Variants in WBP4 observed in about 807,000 individuals in gnomAD.
WBP4 encodes the protein WW domain binding protein 4.
In WBP4, 37 loss-of-function variants were observed where a neutral mutation model predicts 55.4. That is an observed-to-expected ratio of 0.67 (90% CI 0.51 to 0.88). WBP4 has a LOEUF of 0.88. WBP4 is among the 40% of genes least tolerant of loss of function. WBP4 has a pLI of 0.00. For synonymous variants in WBP4, 142 were observed against 140.2 expected (o/e 1.01, Z -0.09); for missense variants, 398 against 420.8 (o/e 0.95, Z 0.47).
intron 1 of WBP4, chr13:41,062,023 G>A (rs1184841439): frequency 1.0e-6 from 1 of 979,078 alleles, no homozygotes; most frequent in Admixed American, 6.2e-5. Flanking sequence ...TGAACCCTAG[G>A]GTATTGTGAA....
intron 8 of WBP4, 46 bp from the exon 9 acceptor site, chr13:41,080,600 G>T: frequency 7.0e-7 from 1 of 1,430,872 alleles, no homozygotes; most frequent in Non-Finnish European, 9.5e-7. Flanking sequence ...TTTTTGTCTT[G>T]GTAGTTTTGC....
intron 8 of WBP4, among the ~76,000 whole-genome samples, chr13:41,080,206 T>C (rs1160185797): frequency 1.3e-5 from 2 of 152,186 alleles, no homozygotes; most frequent in Non-Finnish European, 2.9e-5. Context: ...CCCTAAGTTA[T>C]TTTTTAAAAG....
At chr13:41,068,530 T>C in intron 4 of WBP4, 31 bp from the exon 5 acceptor site, 1 of 1,525,148 alleles carries the variant, frequency 6.6e-7, no homozygotes. Context: ...GTAGTTACTA[T>C]AGCTGCTTTA....
rs547940773 is a variant in WBP4, at chr13:41,071,781, G to A, written c.486+208G>A. Among the ~76,000 whole-genome samples the A allele has an allele frequency of 3.9e-5, 6 of 152,148 alleles. No individual in the cohort carries two copies. The East Asian group carries it at 1.2e-3, about 29-fold the overall frequency. ...TATCTGGCTGGGTGCAGTGGCTCAT[G>A]CCTGTAATCCCAGCACTTTGGGAGG... On this transcript the variant is annotated intron_variant, in intron 6 of 9. Coordinates refer to ENST00000379487, the MANE Select transcript of WBP4 (RefSeq NM_007187.5).
At chr13:41,080,375 T>TA (rs1380818582) in intron 8 of WBP4, among the ~76,000 whole-genome samples, 1 of 152,032 alleles carries the variant, frequency 6.6e-6, no homozygotes, top group Admixed American at 6.6e-5. Context: ...AGAGAGAAGT[T>TA]AAGAGAGCCC....
intron 7 of WBP4, 70 bp from the exon 8 acceptor site, chr13:41,075,971 TAAA>T: frequency 6.9e-7 from 1 of 1,447,608 alleles, no homozygotes; most frequent in African/African-American, 1.4e-5. Flanking sequence ...TTGTAAGTGA[TAAA>T]TGTTATGTTG....
At chr13:41,068,069 G>A (rs1189446360) in intron 4 of WBP4, among the ~76,000 whole-genome samples, 2 of 151,960 alleles carry the variant, frequency 1.3e-5, no homozygotes, top group East Asian at 3.9e-4. Context: ...TATAGATGTA[G>A]GGGGTACAAG....
At chr13:41,068,433 T>A in intron 4 of WBP4, 128 bp from the exon 5 acceptor site, 1 of 836,848 alleles carries the variant, frequency 1.2e-6, no homozygotes. Context: ...ATGAACTTTA[T>A]AATAATGTGT....
At chr13:41,073,841 A>G (rs1878359016) in intron 7 of WBP4, among the ~76,000 whole-genome samples, 1 of 152,222 alleles carries the variant, frequency 6.6e-6, no homozygotes, top group Non-Finnish European at 1.5e-5. Context: ...GCTATTTAGT[A>G]GTGTCTAACA....
chr13:41,070,520 G>A lies in WBP4; in HGVS notation c.440-1007G>A, dbSNP rs964071856. Among the ~76,000 whole-genome samples the A allele has an allele frequency of 4.6e-5, 7 of 151,718 alleles. 1 individual carries two copies. In the Middle Eastern group the frequency reaches 9.5e-3, roughly 206 times the overall value. On this transcript the variant is annotated intron_variant, in intron 5 of 9. Transcript: ENST00000379487. ...AGAGAATGATGGTGCCATTTACTTA[G>A]ATACGAGATAAGGAACTGAAAATAA... is the stretch of plus-strand genomic sequence containing the variant.
At chr13:41,071,856 G>A (rs1878260897) in intron 6 of WBP4, among the ~76,000 whole-genome samples, 1 of 151,900 alleles carries the variant, frequency 6.6e-6, no homozygotes, top group African/African-American at 2.4e-5. Flanking sequence ...GCCTGGCCAA[G>A]ATGGTGAAAC....
At chr13:41,069,705 C>CAA (rs35819905) in intron 5 of WBP4, among the ~76,000 whole-genome samples, 39 of 75,824 alleles carry the variant, frequency 5.1e-4, no homozygotes, top group South Asian at 1.4e-3. Context: ...GACTCTGCCT[C>CAA]AAAAAAAAAA....
At chr13:41,074,362 C>T (rs896183238) in intron 7 of WBP4, among the ~76,000 whole-genome samples, 1 of 152,056 alleles carries the variant, frequency 6.6e-6, no homozygotes, top group African/African-American at 2.4e-5. Flanking sequence ...ATCATTAGCT[C>T]ATTGCATAGC....
At position 41,076,277 on chromosome 13, in the gene WBP4, T is replaced by C. The variant is rs749180463; in HGVS notation, c.756+40T>C. ...TTTACTCTTCACATCAAATTTTTTTTTTTTTTTTTTTTTTTTTTTTGAGAT... is the reference window on the plus strand; with the variant it reads ...TTTACTCTTCACATCAAATTTTTTTCTTTTTTTTTTTTTTTTTTTTGAGAT... On this transcript the variant is annotated intron_variant, in intron 8 of 9. Coordinates refer to ENST00000379487, the MANE Select transcript of WBP4 (RefSeq NM_007187.5). 18 of 1,332,238 alleles carry C rather than the reference T, an allele frequency of 1.4e-5. 1 individual carries two copies. In the African/African-American group the frequency reaches 2.8e-4, roughly 21 times the overall value. 82.5% of individuals were successfully genotyped at this position (1,332,238 alleles called of 1,614,324 possible).
At chr13:41,070,736 A>G (rs1206104595) in intron 5 of WBP4, among the ~76,000 whole-genome samples, 6 of 152,084 alleles carry the variant, frequency 3.9e-5, no homozygotes, top group Admixed American at 3.9e-4. Context: ...AGCAAGAAGT[A>G]AAGAAGGTGA....
chr13:41,065,231 A>G lies in WBP4; in HGVS notation c.206A>G (p.Glu69Gly). ...GCATCAAAGGAGTTTGCTGCAATGG[A>G]GGCAGCTGCCCTGAAAGCATACCAA... ...EKASKEFAAMEAAALKAYQED... is the reference protein window; with the variant it reads ...EKASKEFAAMGAAALKAYQED... Residue 69 changes from glutamate (E) to glycine (G), a missense_variant, in exon 4 of 10, where the codon GAG becomes GGG. Coordinates refer to ENST00000379487, the MANE Select transcript of WBP4 (RefSeq NM_007187.5). 2 of 1,596,628 alleles carry G rather than the reference A, an allele frequency of 1.3e-6. No individual in the cohort carries two copies. The highest frequency in any genetic ancestry group is 2.2e-5 in the South Asian group (2 of 90,630).
At chr13:41,067,908 T>C (rs1272347439) in intron 4 of WBP4, among the ~76,000 whole-genome samples, 1 of 152,188 alleles carries the variant, frequency 6.6e-6, no homozygotes, top group Middle Eastern at 3.2e-3. Flanking sequence ...TGTGTTCTTT[T>C]TGTAACTATC....
chr13:41,062,510 A>C (rs1877732293), intron 1 of WBP4, 134 bp from the exon 2 acceptor site: 3 of 797,156 alleles, frequency 3.8e-6, no homozygotes, highest in Non-Finnish European at 5.5e-6. Flanking sequence ...GATAAATAAT[A>C]AAACGACTAT....
At chr13:41,070,902 A>G (rs1878213753) in intron 5 of WBP4, among the ~76,000 whole-genome samples, 1 of 152,196 alleles carries the variant, frequency 6.6e-6, no homozygotes, top group Non-Finnish European at 1.5e-5. Context: ...GATCATAATT[A>G]CCTTTGGACT....
Sources: gnomAD v4.1 joint callset for allele counts (sites outside exome capture counted in the v4.1 genomes callset) on GRCh38, gnomAD v4.1.1 for gene constraint, MANE v1.5 for transcripts, NCBI Gene and HGNC (gene_info 2026-07-23, HGNC 2026-07-21) for gene names.